The following CLIC5 variants were observed in gnomAD, a reference collection of about 807,000 sequenced individuals.
CLIC5 encodes chloride intracellular channel protein 5.
A neutral mutation model predicts 24.7 loss-of-function variants in CLIC5; 20 were observed. The ratio of observed to expected loss-of-function variants is 0.81; its 90% CI spans 0.57 to 1.18. The LOEUF is 1.18. CLIC5 is among the 50% of genes most tolerant of loss of function. The pLI, the probability that CLIC5 is intolerant of heterozygous loss-of-function variation, is 0.00. For missense variants in CLIC5, 341 were observed against 326.1 expected, an observed-to-expected ratio of 1.05 and a Z score of -0.35; for synonymous variants, 159 against 135.6, an observed-to-expected ratio of 1.17 and a Z score of -1.20.
intron 4 of CLIC5, among the ~76,000 whole-genome samples, chr6:45,925,584 A>T (rs549893417): frequency 2.1e-4 from 32 of 152,252 alleles, no homozygotes; most frequent in Non-Finnish European, 3.5e-4. Flanking sequence ...CAAAGTGCTG[A>T]GATTACAGGC....
At chr6:46,010,684 C>T (rs1173343997) in intron 1 of CLIC5, among the ~76,000 whole-genome samples, 1 of 152,182 alleles carries the variant, frequency 6.6e-6, no homozygotes, top group African/African-American at 2.4e-5. Context: ...CAGACCCAGT[C>T]CTCATTCCCA....
chr6:45,937,938 T>C (rs1008137385), intron 4 of CLIC5, among the ~76,000 whole-genome samples: 16 of 152,276 alleles, frequency 1.1e-4, no homozygotes, highest in South Asian at 2.1e-4. Context: ...GCTTTTCTCA[T>C]GCTTTCATTT....
At chr6:45,920,030 C>G (rs568854060) in intron 4 of CLIC5, 6 of 290,614 alleles carry the variant, frequency 2.1e-5, no homozygotes, top group Non-Finnish European at 2.6e-5. Context: ...CCCATCACTC[C>G]TTGGGTATTC....
At chr6:45,970,345 A>G (rs575467231) in intron 1 of CLIC5, among the ~76,000 whole-genome samples, 1 of 152,222 alleles carries the variant, frequency 6.6e-6, no homozygotes, top group East Asian at 1.9e-4. Flanking sequence ...AGAAGACCCA[A>G]TTTCGTTTTC....
At chr6:45,954,041 C>T (rs762467249) in intron 2 of CLIC5, among the ~76,000 whole-genome samples, 11 of 151,706 alleles carry the variant, frequency 7.3e-5, no homozygotes, top group Non-Finnish European at 1.6e-4. Context: ...TTTGGGAGGT[C>T]GAGGTGGGTG....
chr6:46,107,346 C>T, the CLIC5 span, among the ~76,000 whole-genome samples: 1 of 152,148 alleles, frequency 6.6e-6, no homozygotes, highest in South Asian at 2.1e-4. Context: ...GGAACAGGGC[C>T]TAATCCCTTT....
intron 4 of CLIC5, among the ~76,000 whole-genome samples, chr6:45,921,505 T>C (rs1247866805): frequency 1.3e-5 from 2 of 152,142 alleles, no homozygotes; most frequent in Non-Finnish European, 2.9e-5. Context: ...ATCTAGTGTC[T>C]GGTGCAGAGT....
chr6:46,108,606 C>T, the CLIC5 span, among the ~76,000 whole-genome samples: 1 of 152,052 alleles, frequency 6.6e-6, no homozygotes, highest in African/African-American at 2.4e-5. Flanking sequence ...ACCATGTTGG[C>T]CAGGCTTGTC....
At chr6:45,985,674 A>G (rs373373857) in intron 1 of CLIC5, among the ~76,000 whole-genome samples, 228 of 152,098 alleles carry the variant, frequency 1.5e-3, no homozygotes, top group Middle Eastern at 3.4e-3. Context: ...GAAGTTGGGT[A>G]TTTATTGCCT....
intron 5 of CLIC5, 116 bp from the exon 6 acceptor site, chr6:45,903,371 G>A (rs548572455): frequency 1.3e-6 from 1 of 762,236 alleles, no homozygotes; most frequent in African/African-American, 1.8e-5. Flanking sequence ...CATCACCACG[G>A]GCCATCAGTG....
intron 1 of CLIC5, among the ~76,000 whole-genome samples, chr6:46,037,482 C>T (rs16874143): frequency 0.065 from 9,949 of 152,234 alleles, 382 homozygotes; most frequent in Middle Eastern, 0.12. Flanking sequence ...GTTTGCTGAA[C>T]CAAGTTACCT....
At chr6:46,080,414 A>G (rs1159580078), upstream of CLIC5, 3 of 600,334 alleles carry the variant, frequency 5.0e-6, no homozygotes, top group Admixed American at 3.0e-5. Flanking sequence ...GGAGAGTTTT[A>G]TAAGCAAACC....
chr6:46,077,376 A>G (rs960081287), intron 1 of CLIC5, among the ~76,000 whole-genome samples: 7 of 152,002 alleles, frequency 4.6e-5, no homozygotes, highest in Admixed American at 2.0e-4. Flanking sequence ...AGCCCAGGAG[A>G]AGAACATCCA....
chr6:45,909,103 C>T (rs1404875561), intron 5 of CLIC5, among the ~76,000 whole-genome samples: 2 of 151,674 alleles, frequency 1.3e-5, no homozygotes, highest in African/African-American at 4.8e-5. Context: ...AATAGTGACC[C>T]CTGCTCTTTT....
At chr6:46,008,090 T>C (rs1410568451) in intron 1 of CLIC5, among the ~76,000 whole-genome samples, 1 of 152,148 alleles carries the variant, frequency 6.6e-6, no homozygotes, top group East Asian at 1.9e-4. Context: ...TTTCTAAACA[T>C]AACCCAAGTC....
chr6:46,107,834 A>C, the CLIC5 span, among the ~76,000 whole-genome samples: 1 of 152,106 alleles, frequency 6.6e-6, no homozygotes, highest in African/African-American at 2.4e-5. Flanking sequence ...TTGGGAGTTC[A>C]AGACCTGTCT....
At chr6:46,077,087 T>C (rs558569671) in intron 1 of CLIC5, among the ~76,000 whole-genome samples, 52 of 148,708 alleles carry the variant, frequency 3.5e-4, no homozygotes, top group Non-Finnish European at 6.5e-4. Context: ...TGAAACTCCG[T>C]CCCAAAAAAA....
chr6:46,027,663 CTTCAA>C (rs1767372005), intron 1 of CLIC5, among the ~76,000 whole-genome samples: 1 of 152,166 alleles, frequency 6.6e-6, no homozygotes, highest in Non-Finnish European at 1.5e-5. Context: ...TTCATAATTT[CTTCAA>C]TTAAATGCCT....
the CLIC5 span, among the ~76,000 whole-genome samples, chr6:46,097,832 G>A: frequency 4.6e-5 from 7 of 151,900 alleles, no homozygotes; most frequent in African/African-American, 1.7e-4. Flanking sequence ...TTTTTGCTGA[G>A]TTAATCTGAA....
Sources: allele counts gnomAD v4.1 joint callset (sites outside exome capture counted in the v4.1 genomes callset), GRCh38; gene constraint gnomAD v4.1.1; transcripts MANE v1.5; gene names NCBI Gene and HGNC (gene_info 2026-07-23, HGNC 2026-07-21).